WDR7: variants seen among roughly 807,000 people sequenced by gnomAD.
WDR7 encodes WD repeat-containing protein 7.
Under a neutral mutation model 169.4 loss-of-function variants are expected in WDR7, and 46 were observed. That is an observed-to-expected ratio of 0.27 (90% confidence interval 0.21 to 0.35). WDR7 has a LOEUF of 0.35. Among genes scored for constraint, WDR7 ranks in the 10% least tolerant of loss-of-function variants. WDR7 has a pLI of 1.00. For synonymous variants in WDR7, 612 were observed against 666.8 expected (o/e 0.92, Z 1.27); for missense variants, 1,534 against 1,859.3 (o/e 0.83, Z 3.22).
intron 19 of WDR7, among the ~76,000 whole-genome samples, chr18:56,793,300 T>C (rs2044525025): frequency 6.6e-6 from 1 of 152,240 alleles, no homozygotes; most frequent in African/African-American, 2.4e-5. Flanking sequence ...TTGTATAATA[T>C]GAGTGCAGAT....
intron 26 of WDR7, among the ~76,000 whole-genome samples, chr18:56,973,967 A>G (rs1408578536): frequency 6.6e-6 from 1 of 152,198 alleles, no homozygotes; most frequent in East Asian, 1.9e-4. Flanking sequence ...AGTTTTATGA[A>G]GATAGTCTTA....
chr18:56,746,806 T>C (rs1422280841), intron 14 of WDR7, among the ~76,000 whole-genome samples: 4 of 152,212 alleles, frequency 2.6e-5, no homozygotes, highest in African/African-American at 9.6e-5. Flanking sequence ...TTTGGCTTGA[T>C]AATTTTTTCT....
chr18:56,815,124 A>C (rs917316282), intron 19 of WDR7, among the ~76,000 whole-genome samples: 1 of 152,222 alleles, frequency 6.6e-6, no homozygotes, highest in Non-Finnish European at 1.5e-5. Context: ...CTTGAACTAA[A>C]GAAGTGTTTG....
intron 26 of WDR7, among the ~76,000 whole-genome samples, chr18:56,987,252 G>C (rs1377486114): frequency 7.8e-6 from 1 of 128,336 alleles, no homozygotes; most frequent in Non-Finnish European, 1.6e-5. Context: ...ATAATCATCA[G>C]GTATTGCAAA....
At chr18:56,684,944 A>G (rs1005087839) in intron 5 of WDR7, among the ~76,000 whole-genome samples, 3 of 152,196 alleles carry the variant, frequency 2.0e-5, no homozygotes, top group Non-Finnish European at 4.4e-5. Flanking sequence ...ATTTATCTCT[A>G]ATATTAGTTA....
At position 57,024,898 on chromosome 18, in the gene WDR7, GA is replaced by G. The variant is rs68018223; in HGVS notation, c.4270-2104del. ...TTCTCAGGCAGGAATAGGGATATGT[GA>G]ACTATGATAGTTATGTCCCTTATAG... On this transcript the variant is annotated intron_variant, in intron 27 of 27. Coordinates refer to ENST00000254442, the MANE Select transcript of WDR7 (RefSeq NM_015285.3). Among the ~76,000 whole-genome samples, 639 of 101,986 alleles carry G rather than the reference GA, an allele frequency of 6.3e-3. 115 individuals are homozygous for G. Among genetic ancestry groups the G allele is most frequent in the African/African-American group, 0.043 (573 of 13,442 alleles). The allele number at this position is 101,986 out of a possible 152,430, so 66.9% of individuals were successfully genotyped here.
chr18:56,950,216 AATG>A (rs2047162252), intron 25 of WDR7, among the ~76,000 whole-genome samples: 1 of 152,238 alleles, frequency 6.6e-6, no homozygotes, highest in South Asian at 2.1e-4. Flanking sequence ...ATATTGAAAC[AATG>A]TGTACTCAAG....
chr18:56,919,725 A>C (rs1048816962), intron 21 of WDR7, among the ~76,000 whole-genome samples: 1 of 152,158 alleles, frequency 6.6e-6, no homozygotes, highest in Admixed American at 6.6e-5. Context: ...TGGTTCTGTT[A>C]TCTCATAGAA....
intron 14 of WDR7, among the ~76,000 whole-genome samples, chr18:56,752,100 G>T (rs1294526522): frequency 6.6e-6 from 1 of 152,112 alleles, no homozygotes; most frequent in Non-Finnish European, 1.5e-5. Context: ...GTAGTCTGGG[G>T]TGCTCATTAG....
At chr18:56,674,495 TC>T (rs1408368047) in intron 2 of WDR7, among the ~76,000 whole-genome samples, 1 of 152,204 alleles carries the variant, frequency 6.6e-6, no homozygotes, top group Non-Finnish European at 1.5e-5. Flanking sequence ...TAAAATTTTT[TC>T]CTTTGCCCAT....
chr18:56,860,275 A>G (rs2045783848), intron 20 of WDR7, among the ~76,000 whole-genome samples: 2 of 152,218 alleles, frequency 1.3e-5, no homozygotes, highest in Non-Finnish European at 1.5e-5. Context: ...ATTAATCTCC[A>G]TATGATTTCC....
At chr18:57,003,665 C>G (rs1049886937) in intron 26 of WDR7, among the ~76,000 whole-genome samples, 1 of 151,950 alleles carries the variant, frequency 6.6e-6, no homozygotes, top group Non-Finnish European at 1.5e-5. Flanking sequence ...TTGGATCACA[C>G]GAATCTTTCA....
chr18:56,888,205 T>TCAA (rs2046222255), intron 21 of WDR7, among the ~76,000 whole-genome samples: 1 of 152,222 alleles, frequency 6.6e-6, no homozygotes, highest in South Asian at 2.1e-4. Context: ...AAGCCATACT[T>TCAA]AGTTTTGTAA....
chr18:56,988,290 G>A (rs867789852), intron 26 of WDR7, among the ~76,000 whole-genome samples: 1 of 152,282 alleles, frequency 6.6e-6, no homozygotes, highest in Non-Finnish European at 1.5e-5. Context: ...CTCTAGGGGT[G>A]TGATTATCTC....
At chr18:56,852,596 A>T (rs931915679) in intron 20 of WDR7, among the ~76,000 whole-genome samples, 4 of 152,178 alleles carry the variant, frequency 2.6e-5, no homozygotes, top group African/African-American at 9.7e-5. Context: ...TCAAGCAATT[A>T]ATGATTAATT....
intron 19 of WDR7, among the ~76,000 whole-genome samples, chr18:56,789,589 C>G (rs1169642502): frequency 6.6e-6 from 1 of 152,206 alleles, no homozygotes; most frequent in Admixed American, 6.5e-5. Context: ...ATGGGGGAGT[C>G]CATCCAGTGT....
chr18:56,677,516 A>G (rs2025268803), intron 2 of WDR7, among the ~76,000 whole-genome samples: 1 of 151,890 alleles, frequency 6.6e-6, no homozygotes, highest in South Asian at 2.1e-4. Flanking sequence ...CACCTGGCTA[A>G]TTTTTGTATT....
rs146144985 is a variant in WDR7 at position 56,975,235 on chromosome 18, C to T, written c.4164+12706C>T. On this transcript the variant is annotated intron_variant, in intron 26 of 27. Transcript: ENST00000254442. ...TAGGCGACAGAGCAAGACTCCGTCT[C>T]GGGGGTAGTGGGGCAAAGGGATATT... 7.8e-4 allele frequency among the ~76,000 whole-genome samples: 119 copies of T among 151,938 alleles called. 1 individual carries two copies. The East Asian group carries it at 0.021, about 27-fold the overall frequency.
At chr18:56,704,886 TA>T (rs2025913528) in intron 12 of WDR7, among the ~76,000 whole-genome samples, 1 of 152,258 alleles carries the variant, frequency 6.6e-6, no homozygotes, top group Admixed American at 6.5e-5. Context: ...AGTAGCTGAT[TA>T]AATTGACTTT....
Sources: gnomAD v4.1 joint callset for allele counts (sites outside exome capture counted in the v4.1 genomes callset) on GRCh38, gnomAD v4.1.1 for gene constraint, MANE v1.5 for transcripts, NCBI Gene and HGNC (gene_info 2026-07-23, HGNC 2026-07-21) for gene names.